Variants in IGSF10 observed in about 807,000 individuals in gnomAD.
The protein encoded by IGSF10 is immunoglobulin superfamily member 10.
A neutral mutation model predicts 128.2 loss-of-function variants in IGSF10; 126 were observed. The observed-to-expected ratio is 0.98, with a 90% CI of 0.85 to 1.14. The LOEUF (loss-of-function observed/expected upper bound fraction) is 1.14, where lower values mean the gene tolerates loss of function less well. Ranked by LOEUF, IGSF10 falls within the 50% of genes most tolerant of loss-of-function variation. The probability of loss-of-function intolerance (pLI) is 0.00; values close to 1 mark genes in which losing one functional copy is unlikely to be tolerated. For missense variants in IGSF10, 3,295 were observed against 3,149.8 expected (o/e 1.05, Z -1.10); for synonymous variants, 1,185 against 1,146.2 (o/e 1.03, Z -0.68).
At position 151,445,783 on chromosome 3, in the gene IGSF10, T is replaced by C; in HGVS notation, c.4198A>G (p.Asn1400Asp). The C allele has an allele frequency of 6.2e-7, 1 of 1,614,220 alleles. No individual in the cohort carries two copies. The highest frequency in any genetic ancestry group is 8.5e-7 in the Non-Finnish European group (1 of 1,180,046). ...VSAFTHSPPENTTGISSTISF... is the reference protein window; with the variant it reads ...VSAFTHSPPEDTTGISSTISF... The stretch of plus-strand genomic sequence containing the variant: ...ATTGTGCTTGAAATCCCAGTTGTGT[T>C]TTCTGGTGGGGAATGAGTGAATGCA... Residue 1400 changes from asparagine to aspartate, a missense_variant, in exon 6 of 8, where the codon AAC (asparagine) becomes GAC (aspartate). Asn to Asp is a conservative substitution (Grantham distance 23). Coordinates refer to ENST00000282466, the MANE Select transcript of IGSF10 (RefSeq NM_178822.5).
At chr3:151,542,244 G>A in the IGSF10 span, among the ~76,000 whole-genome samples, 1 of 151,968 alleles carries the variant, frequency 6.6e-6, no homozygotes, top group East Asian at 1.9e-4. Context: ...AACCATAAAT[G>A]CATATAAATA....
chr3:151,599,139 G>A, the IGSF10 span, among the ~76,000 whole-genome samples: 276 of 152,264 alleles, frequency 1.8e-3, 2 homozygotes, highest in African/African-American at 6.3e-3. Context: ...GCCGTCGAGT[G>A]GAAAAGGAAG....
the IGSF10 span, among the ~76,000 whole-genome samples, chr3:151,502,121 T>C: frequency 6.6e-6 from 1 of 152,094 alleles, no homozygotes; most frequent in Non-Finnish European, 1.5e-5. Flanking sequence ...GTTACACCTA[T>C]GACTCTCCAT....
chr3:151,467,741 G>A, the IGSF10 span, among the ~76,000 whole-genome samples: 6 of 151,994 alleles, frequency 3.9e-5, no homozygotes, highest in East Asian at 1.9e-4. Flanking sequence ...AAAATTAGCC[G>A]GGCGAGGTGG....
rs776516555 is a variant in IGSF10, at chr3:151,436,833, C to CTCTT, written c.7724_7727dup (p.Thr2578GlufsTer6). ...GAAGCTGCTCACTTCCATGTGTCCT[C>CTCTT]TCTTTACTTGCCGTTGAGAGAAGGG... is the stretch of plus-strand genomic sequence containing the variant. On this transcript the variant is annotated frameshift_variant, in exon 8 of 8. Coordinates refer to ENST00000282466, the MANE Select transcript of IGSF10 (RefSeq NM_178822.5). LOFTEE classifies it low-confidence loss of function (END_TRUNC). 9.8e-5 allele frequency: 158 copies of CTCTT among 1,614,180 alleles called. 1 individual carries two copies. In the South Asian group the frequency reaches 1.6e-3, roughly 16 times the overall value.
At chr3:151,522,308 A>G in the IGSF10 span, among the ~76,000 whole-genome samples, 4 of 152,126 alleles carry the variant, frequency 2.6e-5, no homozygotes, top group Admixed American at 1.3e-4. Flanking sequence ...CTCCAAAACA[A>G]TTAAGGAGGA....
At chr3:151,608,340 G>A in the IGSF10 span, among the ~76,000 whole-genome samples, 1 of 152,158 alleles carries the variant, frequency 6.6e-6, no homozygotes, top group African/African-American at 2.4e-5. Flanking sequence ...GGTTTGCATG[G>A]AGCTGAGCAT....
the IGSF10 span, among the ~76,000 whole-genome samples, chr3:151,492,808 A>AATC: frequency 6.6e-6 from 1 of 152,198 alleles, no homozygotes; most frequent in African/African-American, 2.4e-5. Context: ...AAGGAGATGA[A>AATC]ATCATCACTT....
At chr3:151,533,242 A>G in the IGSF10 span, among the ~76,000 whole-genome samples, 3 of 152,242 alleles carry the variant, frequency 2.0e-5, no homozygotes, top group East Asian at 5.8e-4. Flanking sequence ...AGGCCAAAGT[A>G]ATTTATAGAT....
chr3:151,508,172 A>C, the IGSF10 span, among the ~76,000 whole-genome samples: 1 of 152,158 alleles, frequency 6.6e-6, no homozygotes, highest in African/African-American at 2.4e-5. Flanking sequence ...AAGGCATAAA[A>C]ATGTGTATTA....
intron 4 of IGSF10, among the ~76,000 whole-genome samples, chr3:151,456,557 T>A (rs1335171380): frequency 1.3e-5 from 2 of 152,252 alleles, no homozygotes; most frequent in Non-Finnish European, 1.5e-5. Context: ...ACTTTTGTGA[T>A]CATTCTTGCA....
At chr3:151,460,871 C>G (rs1722020124) in intron 1 of IGSF10, 75 bp downstream of exon 1, 1 of 960,856 alleles carries the variant, frequency 1.0e-6, no homozygotes, top group Non-Finnish European at 1.2e-6. Context: ...ACGGTACTCG[C>G]TCCATTCCCA....
At chr3:151,483,602 A>G in the IGSF10 span, among the ~76,000 whole-genome samples, 1 of 152,158 alleles carries the variant, frequency 6.6e-6, no homozygotes, top group Non-Finnish European at 1.5e-5. Context: ...TATATTTCTA[A>G]CTGAGGTACC....
At chr3:151,514,393 G>T in the IGSF10 span, among the ~76,000 whole-genome samples, 3 of 152,168 alleles carry the variant, frequency 2.0e-5, no homozygotes, top group Non-Finnish European at 2.9e-5. Context: ...TTAATAAATG[G>T]TGCTGGGAAA....
At chr3:151,581,491 G>A in the IGSF10 span, among the ~76,000 whole-genome samples, 1 of 152,120 alleles carries the variant, frequency 6.6e-6, no homozygotes, top group Non-Finnish European at 1.5e-5. Flanking sequence ...ACAAAAATGA[G>A]ATTACTGAAA....
chr3:151,514,596 CA>C, the IGSF10 span, among the ~76,000 whole-genome samples: 1 of 152,114 alleles, frequency 6.6e-6, no homozygotes, highest in Non-Finnish European at 1.5e-5. Context: ...GCAATGGCAA[CA>C]AAAGCCAAAA....
At chr3:151,444,560 T>A (rs995626233) in intron 6 of IGSF10, among the ~76,000 whole-genome samples, 7 of 152,212 alleles carry the variant, frequency 4.6e-5, no homozygotes, top group Admixed American at 3.9e-4. Context: ...TCCACCCACC[T>A]TGGCCTCCCC....
chr3:151,498,581 T>G, the IGSF10 span, among the ~76,000 whole-genome samples: 1 of 152,118 alleles, frequency 6.6e-6, no homozygotes, highest in Non-Finnish European at 1.5e-5. Flanking sequence ...TCTCAATAGA[T>G]GCAGAAAAGG....
chr3:151,448,720 C>A lies in IGSF10; in HGVS notation c.1261G>T (p.Asp421Tyr), dbSNP rs1403456226. Residue 421 changes from aspartate to tyrosine, a missense_variant, in exon 6 of 8, where the codon GAT (aspartate) becomes TAT (tyrosine). Asp to Tyr is a radical substitution (Grantham distance 160). Transcript: ENST00000282466. Reference sequence around the variant, plus strand: ...AACCAAGAGGGATCTGCTCTGAGATCTGCCTCTATGTTGGTAAAAATGTCT... The same window carrying A: ...AACCAAGAGGGATCTGCTCTGAGATATGCCTCTATGTTGGTAAAAATGTCT... ...PEDIFTNIEA[D>Y]LRADPSWLMQ... 6.2e-7 allele frequency: 1 copy of A among 1,613,870 alleles called. No homozygotes were observed. The highest frequency in any genetic ancestry group is 8.5e-7 in the Non-Finnish European group (1 of 1,179,774).
Sources: gnomAD v4.1 joint callset for allele counts (sites outside exome capture counted in the v4.1 genomes callset) on GRCh38, gnomAD v4.1.1 for gene constraint, MANE v1.5 for transcripts, NCBI Gene and HGNC (gene_info 2026-07-23, HGNC 2026-07-21) for gene names.